The following AGO2 variants were observed in gnomAD, a reference collection of about 807,000 sequenced individuals.
AGO2 encodes the protein protein argonaute-2.
Under a neutral mutation model 102.3 loss-of-function variants are expected in AGO2, and 5 were observed. The ratio of observed to expected loss-of-function variants is 0.05; its 90% CI spans 0.03 to 0.10. The LOEUF is 0.10. Ranked by LOEUF, AGO2 falls within the 10% of genes least tolerant of loss-of-function variation. AGO2 has a pLI of 1.00. For synonymous variants in AGO2, 449 were observed against 473.1 expected, an observed-to-expected ratio of 0.95 and a Z score of 0.66; for missense variants, 541 against 1,183.7, an observed-to-expected ratio of 0.46 and a Z score of 7.97.
In AGO2 at chr8:140,531,189, C is replaced by T. The variant is rs2977461; in HGVS notation, c.*855G>A. On this transcript the variant is annotated 3_prime_UTR_variant, in exon 19 of 19. Coordinates refer to ENST00000220592, the MANE Select transcript of AGO2 (RefSeq NM_012154.5). ...ATACTGCAAACCAGATATATATATT[C>T]TTCTCTTACATTAAAGACATAACAG... 0.24 allele frequency: 37,288 copies of T among 152,416 alleles called. 7,348 individuals are homozygous for T. Among genetic ancestry groups the T allele is most frequent in the African/African-American group, 0.55 (22,763 of 41,424 alleles). The allele number at this position is 152,416 out of a possible 1,614,324, so 9.4% of individuals were successfully genotyped here. A position where few individuals can be genotyped will look rare whatever the true frequency, so the allele number is the denominator to read the frequency against.
chr8:140,560,276 G>A, intron 5 of AGO2, 98 bp downstream of exon 5: 1 of 1,509,384 alleles, frequency 6.6e-7, no homozygotes, highest in Middle Eastern at 1.8e-4. Context: ...CAGAGGCCAT[G>A]CGTGGAGCTG....
chr8:140,553,429 G>C (rs2073039691), intron 10 of AGO2, among the ~76,000 whole-genome samples: 1 of 121,648 alleles, frequency 8.2e-6, no homozygotes, highest in South Asian at 2.6e-4. Context: ...TTTTTTTTGA[G>C]ACGGAGTTTC....
In AGO2 at chr8:140,528,167, A is replaced by C. The variant is rs1303338326; in HGVS notation, c.*3877T>G. 1 of 152,262 alleles carries C rather than the reference A, an allele frequency of 6.6e-6. No individual in the cohort carries two copies. Among genetic ancestry groups the C allele is most frequent in the Non-Finnish European group, 1.5e-5 (1 of 68,042 alleles). The allele number at this position is 152,262 out of a possible 1,614,324, so 9.4% of individuals were successfully genotyped here. On this transcript the variant is annotated 3_prime_UTR_variant, in exon 19 of 19. Transcript: ENST00000220592. This position sits in a 1 kb window ranked among gnomAD's most constrained non-coding sequence, Gnocchi z 4.5. ...GAAAAACAATTCATCCAGAAAAATC[A>C]CATTTGTGGCTTTCAAAAATAAATC...
chr8:140,566,318 C>A (rs1564090769), intron 3 of AGO2, among the ~76,000 whole-genome samples: 1 of 152,232 alleles, frequency 6.6e-6, no homozygotes, highest in Non-Finnish European at 1.5e-5. Context: ...TCCACCATGA[C>A]TGTGATGCTT....
At chr8:140,590,797 G>C (rs1348664473) in intron 1 of AGO2, among the ~76,000 whole-genome samples, 1 of 152,218 alleles carries the variant, frequency 6.6e-6, no homozygotes, top group Non-Finnish European at 1.5e-5. Flanking sequence ...CTGGTGCACA[G>C]GCTCAGAGAA....
At chr8:140,547,657 TGCCGGCGCCCCTTCCTCA>T (rs1254729667) in intron 12 of AGO2, 30 bp from the exon 13 acceptor site, 1 of 1,589,902 alleles carries the variant, frequency 6.3e-7, no homozygotes, top group South Asian at 1.1e-5. Flanking sequence ...CACACAGCTC[TGCCGGCGCCCCTTCCTCA>T]GCTGGCCCCG....
At chr8:140,625,043 T>C in intron 1 of AGO2, among the ~76,000 whole-genome samples, 1 of 152,108 alleles carries the variant, frequency 6.6e-6, no homozygotes, top group East Asian at 1.9e-4. Flanking sequence ...CTTGGTCTGT[T>C]TCTAACACAG....
rs2073639844 is a variant in AGO2 at position 140,585,381 on chromosome 8, C to T, written c.23-70G>A. 62 of 1,520,524 alleles carry T rather than the reference C, an allele frequency of 4.1e-5. No individual in the cohort carries two copies. In the South Asian group the frequency reaches 6.9e-4, roughly 17 times the overall value. 94.2% of individuals were successfully genotyped at this position (1,520,524 alleles called of 1,614,324 possible). A position where few individuals can be genotyped will look rare whatever the true frequency, so the allele number is the denominator to read the frequency against. On this transcript the variant is annotated intron_variant, in intron 1 of 18. Coordinates refer to ENST00000220592, the MANE Select transcript of AGO2 (RefSeq NM_012154.5). ...CTCTGCGGCCCTTCCCATCCCGCGGCCCCAAGCCACTATATGCCCCCCTCT... is the reference window on the plus strand; with the variant it reads ...CTCTGCGGCCCTTCCCATCCCGCGGTCCCAAGCCACTATATGCCCCCCTCT...
chr8:140,555,989 T>A lies in AGO2; in HGVS notation c.1176A>T (p.Pro392=), dbSNP rs774003482. 1 of 1,614,080 alleles carries A rather than the reference T, an allele frequency of 6.2e-7. No homozygotes were observed. Among genetic ancestry groups the A allele is most frequent in the Admixed American group, 1.7e-5 (1 of 60,002 alleles). The change falls in exon 10 of 19, where the codon CCA becomes CCT. Residue 392 remains proline, a synonymous_variant. Transcript: ENST00000220592. The part of the protein sequence containing the change: ...LMRSASFNTD[P]YVREFGIMVK... ...CCATGATTCCAAATTCACGGACGTATGGATCTGTGTTGAAACTTGCACTTC... is the reference window on the plus strand; with the variant it reads ...CCATGATTCCAAATTCACGGACGTAAGGATCTGTGTTGAAACTTGCACTTC...
intron 1 of AGO2, among the ~76,000 whole-genome samples, chr8:140,606,498 A>G (rs1224157910): frequency 1.3e-5 from 2 of 152,250 alleles, no homozygotes; most frequent in Non-Finnish European, 2.9e-5. Flanking sequence ...ACCTCTCCAC[A>G]GCATTAAGGA....
At chr8:140,537,461 A>C (rs1247913079) in intron 16 of AGO2, among the ~76,000 whole-genome samples, 1 of 151,966 alleles carries the variant, frequency 6.6e-6, no homozygotes, top group Non-Finnish European at 1.5e-5. Flanking sequence ...GCTACCATAC[A>C]CAACTAATTT....
intron 1 of AGO2, among the ~76,000 whole-genome samples, chr8:140,601,100 T>A (rs887658610): frequency 7.9e-5 from 12 of 151,600 alleles, no homozygotes; most frequent in African/African-American, 2.9e-4. Flanking sequence ...GGCGACTGGG[T>A]CATCCCTCCA....
rs1441883686 is a variant in AGO2 at position 140,528,576 on chromosome 8, T to C, written c.*3468A>G. On this transcript the variant is annotated 3_prime_UTR_variant, in exon 19 of 19. Transcript: ENST00000220592. The surrounding 1 kb of genome is among the most constrained non-coding windows in gnomAD (Gnocchi z 4.5). ...AATGGTCACGCATCGTTTGTGGTTCTAGAGTGCAAACATTCATTCAAAGGA... is the reference window on the plus strand; with the variant it reads ...AATGGTCACGCATCGTTTGTGGTTCCAGAGTGCAAACATTCATTCAAAGGA... The C allele has an allele frequency of 6.6e-6, 1 of 152,202 alleles. No homozygotes were observed. The highest frequency in any genetic ancestry group is 1.5e-5 in the Non-Finnish European group (1 of 68,042). The allele number at this position is 152,202 out of a possible 1,614,324, so 9.4% of individuals were successfully genotyped here.
Position 140,523,157 on chromosome 8 carries a change from G to A in AGO2, c.*8887C>T, listed in dbSNP as rs1364106910. On this transcript the variant is annotated 3_prime_UTR_variant, in exon 19 of 19. Transcript: ENST00000220592. ...TTCTATATTGCAAGCACAAGACATGGTCACATGGTTCCACTGTACAGGTAG... is the reference window on the plus strand; with the variant it reads ...TTCTATATTGCAAGCACAAGACATGATCACATGGTTCCACTGTACAGGTAG... The A allele has an allele frequency of 6.6e-6, 1 of 152,136 alleles. No individual in the cohort carries two copies. The highest frequency in any genetic ancestry group is 1.9e-4 in the East Asian group (1 of 5,204). 9.4% of individuals were successfully genotyped at this position (152,136 alleles called of 1,614,324 possible).
intron 2 of AGO2, 144 bp downstream of exon 2, chr8:140,584,975 A>G: frequency 1.5e-6 from 1 of 682,068 alleles, no homozygotes; most frequent in Non-Finnish European, 2.3e-6. Context: ...ACTCTGAAAA[A>G]CTGTTTTTGA....
At chr8:140,563,942 G>A (rs908038225) in intron 3 of AGO2, among the ~76,000 whole-genome samples, 5 of 152,204 alleles carry the variant, frequency 3.3e-5, no homozygotes, top group Admixed American at 2.6e-4. Context: ...CAGACTCTGC[G>A]GGCGTCACCT....
In AGO2 at chr8:140,539,294, C is replaced by A; in HGVS notation, c.2169+26G>T. The A allele has an allele frequency of 6.3e-7, 1 of 1,583,796 alleles. No individual in the cohort carries two copies. The highest frequency in any genetic ancestry group is 2.2e-5 in the East Asian group (1 of 44,484). On this transcript the variant is annotated intron_variant, in intron 16 of 18. Transcript: ENST00000220592. This position sits in a 1 kb window ranked among gnomAD's most constrained non-coding sequence, Gnocchi z 4.7. ...GGGGCTGAGGGGAGAACCGTGCCCC[C>A]TGCCTGGAGTCATGCAGAAACTCAC... is the stretch of plus-strand genomic sequence containing the variant.
the AGO2 span, among the ~76,000 whole-genome samples, chr8:140,641,633 G>A: frequency 6.6e-6 from 1 of 152,274 alleles, no homozygotes; most frequent in African/African-American, 2.4e-5. Flanking sequence ...ACCTGGGCTG[G>A]AGTGCAGTGG....
intron 16 of AGO2, among the ~76,000 whole-genome samples, chr8:140,536,255 A>T (rs1158881486): frequency 2.6e-5 from 4 of 152,156 alleles, no homozygotes. Flanking sequence ...GTCCCTGATG[A>T]ATGTTTTCTA....
Sources: gnomAD v4.1 joint callset for allele counts (sites outside exome capture counted in the v4.1 genomes callset) on GRCh38, gnomAD v4.1.1 for gene constraint, Gnocchi (gnomAD v3.1) non-coding constraint, MANE v1.5 for transcripts, NCBI Gene and HGNC (gene_info 2026-07-23, HGNC 2026-07-21) for gene names.